Variants in PVT1 observed in about 807,000 individuals in gnomAD.
PVT1 encodes the protein Pvt1 oncogene, also known as CXCR4/PVT1 fusion.
chr8:128,082,645 C>T (rs1283459302), intron 5 of PVT1: 1 of 152,186 alleles, frequency 6.6e-6, no homozygotes, highest in Non-Finnish European at 1.5e-5. Flanking sequence ...AGGCAAGTTA[C>T]CCAGTCTTGT....
rs1393177596 is a variant in PVT1 at position 128,046,511 on chromosome 8, G to A, written n.913-23649G>A. Among the ~76,000 whole-genome samples, 7 of 152,206 alleles carry A rather than the reference G, an allele frequency of 4.6e-5. No individual in the cohort carries two copies. In the East Asian group the frequency reaches 9.6e-4, roughly 21 times the overall value. On this transcript the variant is annotated intron_variant and non_coding_transcript_variant, in intron 4 of 10. Transcript: ENST00000651587. ...GTAGGATACTGGTTCCCACATGGCC[G>A]AGAGTCTTCTCTCACTAGTTCGTGC...
intron 4 of PVT1, among the ~76,000 whole-genome samples, chr8:128,053,942 A>G (rs1247685962): frequency 6.6e-6 from 1 of 152,244 alleles, no homozygotes; most frequent in Non-Finnish European, 1.5e-5. Context: ...TTGCAGGGAA[A>G]AAGAAACTTC....
At chr8:127,947,730 A>C (rs1324957881) in intron 3 of PVT1, 1 of 456,416 alleles carries the variant, frequency 2.2e-6, no homozygotes, top group African/African-American at 2.0e-5. Flanking sequence ...TGTGAATGGA[A>C]GACTGAAGAA....
intron 3 of PVT1, among the ~76,000 whole-genome samples, chr8:127,945,304 C>T (rs973812102): frequency 2.0e-5 from 3 of 152,104 alleles, no homozygotes; most frequent in Admixed American, 6.6e-5. Flanking sequence ...TACCCTGAGG[C>T]GACTTCACTG....
chr8:127,937,744 C>T (rs1433820002), intron 3 of PVT1, among the ~76,000 whole-genome samples: 1 of 152,158 alleles, frequency 6.6e-6, no homozygotes, highest in East Asian at 1.9e-4. Flanking sequence ...AAGGAAGACT[C>T]TAGGATTACA....
chr8:127,997,401 C>T (rs1446000646), intron 4 of PVT1, among the ~76,000 whole-genome samples: 3 of 152,020 alleles, frequency 2.0e-5, no homozygotes, highest in Admixed American at 2.0e-4. Context: ...CCTGGATGGC[C>T]GCCATAGTCC....
At chr8:127,845,008 C>T (rs950574740) in intron 2 of PVT1, among the ~76,000 whole-genome samples, 5 of 152,138 alleles carry the variant, frequency 3.3e-5, no homozygotes, top group South Asian at 2.1e-4. Flanking sequence ...CTACCACGCC[C>T]GGCCGGAGGT....
intron 4 of PVT1, among the ~76,000 whole-genome samples, chr8:127,991,439 A>G (rs1817040611): frequency 6.6e-6 from 1 of 151,792 alleles, no homozygotes; most frequent in Admixed American, 6.6e-5. Context: ...TCACTGAATT[A>G]TGTCTTGGGA....
intron 2 of PVT1, among the ~76,000 whole-genome samples, chr8:127,808,219 AT>A (rs1202835344): frequency 6.7e-6 from 1 of 149,072 alleles, no homozygotes; most frequent in Non-Finnish European, 1.5e-5. Flanking sequence ...TAATTTTTGT[AT>A]TTTTTTTAGT....
At chr8:128,046,825 C>T (rs1813619655) in intron 4 of PVT1, among the ~76,000 whole-genome samples, 1 of 152,152 alleles carries the variant, frequency 6.6e-6, no homozygotes, top group Non-Finnish European at 1.5e-5. Flanking sequence ...TGAGTAAGGC[C>T]CTTTCCTTTG....
intron 3 of PVT1, among the ~76,000 whole-genome samples, chr8:127,897,268 G>T (rs1815691028): frequency 6.6e-6 from 1 of 152,322 alleles, no homozygotes; most frequent in Admixed American, 6.5e-5. Context: ...GGCCAGGTGG[G>T]TGCATTTGGG....
chr8:127,912,129 T>C (rs541412565), intron 3 of PVT1, among the ~76,000 whole-genome samples: 2 of 152,360 alleles, frequency 1.3e-5, no homozygotes, highest in Admixed American at 1.3e-4. Context: ...GATAAAGTTC[T>C]GTGATCCTGC....
intron 2 of PVT1, among the ~76,000 whole-genome samples, chr8:127,843,676 A>G (rs1408668943): frequency 1.3e-5 from 2 of 150,764 alleles, no homozygotes; most frequent in Admixed American, 1.3e-4. Context: ...CGATCTCCTG[A>G]CCTTGTGATC....
chr8:127,888,446 A>G lies in PVT1; in HGVS notation n.373-2143A>G, dbSNP rs987598404. ...TCTGTTATTCTTGTATGGCAGGCAGAATAACGTCCCCCTAAATGTCCACAT... is the reference window on the plus strand; with the variant it reads ...TCTGTTATTCTTGTATGGCAGGCAGGATAACGTCCCCCTAAATGTCCACAT... On this transcript the variant is annotated intron_variant and non_coding_transcript_variant, in intron 2 of 10. Transcript: ENST00000651587. 4.6e-5 allele frequency among the ~76,000 whole-genome samples: 7 copies of G among 152,216 alleles called. No homozygotes were observed. In the South Asian group the frequency reaches 8.3e-4, roughly 18 times the overall value.
At chr8:128,094,533 A>G (rs1814401550) in intron 5 of PVT1, among the ~76,000 whole-genome samples, 1 of 152,240 alleles carries the variant, frequency 6.6e-6, no homozygotes, top group African/African-American at 2.4e-5. Context: ...ATGGCCCAGA[A>G]AACCAAAATA....
At chr8:127,932,604 C>T (rs912076235) in intron 3 of PVT1, 4 of 398,358 alleles carry the variant, frequency 1.0e-5, no homozygotes, top group African/African-American at 4.1e-5. Context: ...TGTGCAGATT[C>T]GCTGTTCGTA....
intron 4 of PVT1, chr8:128,008,865 A>C (rs540604062): frequency 2.0e-6 from 1 of 489,756 alleles, no homozygotes; most frequent in East Asian, 5.6e-5. Flanking sequence ...AGGAACTAGA[A>C]GCTATGGTCA....
intron 2 of PVT1, among the ~76,000 whole-genome samples, chr8:127,824,892 G>C (rs1814769623): frequency 6.6e-6 from 1 of 152,184 alleles, no homozygotes; most frequent in East Asian, 1.9e-4. Context: ...GGCCGAGGTG[G>C]GTGGAACACT....
rs188598570 is a variant in PVT1 at position 127,934,645 on chromosome 8, T to C, written n.782+43647T>C. On this transcript the variant is annotated intron_variant and non_coding_transcript_variant, in intron 3 of 10. Coordinates refer to ENST00000651587, the Ensembl canonical transcript of PVT1. ...CAAACTGACTCCTTCATGGCAGGCT[T>C]CCTTATCTCTGCAACATTTGTTTAC... 3.9e-4 allele frequency among the ~76,000 whole-genome samples: 59 copies of C among 151,678 alleles called. 1 individual carries two copies. Among genetic ancestry groups the C allele is most frequent in the African/African-American group, 1.4e-3 (58 of 41,026 alleles).
Sources: allele counts gnomAD v4.1 joint callset (sites outside exome capture counted in the v4.1 genomes callset), GRCh38; gene constraint gnomAD v4.1.1; transcripts MANE v1.5; gene names NCBI Gene and HGNC (gene_info 2026-07-23, HGNC 2026-07-21).